FHIT: variants seen among roughly 807,000 people sequenced by gnomAD.
FHIT encodes fragile histidine triad diadenosine triphosphatase, also known as bis(5'-adenosyl)-triphosphatase.
A neutral mutation model predicts 17.9 loss-of-function variants in FHIT; 19 were observed. That is an observed-to-expected ratio of 1.06 (90% CI 0.74 to 1.56). The LOEUF is 1.56. Ranked by LOEUF, FHIT falls within the 40% of genes most tolerant of loss-of-function variation. FHIT has a pLI of 0.00. For synonymous variants in FHIT, 81 were observed against 69.7 expected (o/e 1.16, Z -0.81); for missense variants, 248 against 189.2 (o/e 1.31, Z -1.82).
chr3:59,770,039 A>G (rs1702004215), intron 8 of FHIT, among the ~76,000 whole-genome samples: 7 of 152,226 alleles, frequency 4.6e-5, no homozygotes, highest in Admixed American at 4.6e-4. Context: ...AGAGACAAGG[A>G]AAAGCAAAAC....
Position 60,658,838 on chromosome 3 carries a change from T to C in FHIT, c.-17-121859A>G, listed in dbSNP as rs371718357. Among the ~76,000 whole-genome samples, 9 of 152,250 alleles carry C rather than the reference T, an allele frequency of 5.9e-5. No homozygotes were observed. In the East Asian group the frequency reaches 1.5e-3, roughly 26 times the overall value. ...TTTTATAATTGCCCACATTTTTACC[T>C]TTACGGAGAACTTTATTTCTTAACT... is the stretch of plus-strand genomic sequence containing the variant. On this transcript the variant is annotated intron_variant, in intron 4 of 9. Coordinates refer to ENST00000492590, the MANE Select transcript of FHIT (RefSeq NM_002012.4).
intron 5 of FHIT, among the ~76,000 whole-genome samples, chr3:60,264,062 G>C (rs1253245084): frequency 6.6e-6 from 1 of 151,708 alleles, no homozygotes; most frequent in Non-Finnish European, 1.5e-5. Context: ...CATCAACAAA[G>C]TATGTGGCAT....
chr3:59,961,272 T>A (rs531975928), intron 7 of FHIT, among the ~76,000 whole-genome samples: 56 of 152,226 alleles, frequency 3.7e-4, no homozygotes, highest in African/African-American at 1.2e-3. Flanking sequence ...GTTCCCAATG[T>A]CAAAAACTTC....
intron 1 of FHIT, among the ~76,000 whole-genome samples, chr3:61,230,144 T>A (rs1209565197): frequency 6.6e-6 from 1 of 152,212 alleles, no homozygotes; most frequent in Non-Finnish European, 1.5e-5. Flanking sequence ...TGAGAAAGAC[T>A]TGGATCAATG....
At chr3:60,046,350 G>T (rs559865573) in intron 5 of FHIT, among the ~76,000 whole-genome samples, 1 of 152,164 alleles carries the variant, frequency 6.6e-6, no homozygotes, top group African/African-American at 2.4e-5. Context: ...CAGGAAGCAC[G>T]GTCAACCAGC....
At chr3:60,726,077 T>C (rs1234452064) in intron 4 of FHIT, among the ~76,000 whole-genome samples, 5 of 152,122 alleles carry the variant, frequency 3.3e-5, no homozygotes, top group Non-Finnish European at 5.9e-5. Context: ...ATGCGAAATA[T>C]ACAAAAATAA....
chr3:60,829,739 A>AT (rs1242505777), intron 3 of FHIT, among the ~76,000 whole-genome samples: 2 of 147,854 alleles, frequency 1.4e-5, no homozygotes, highest in African/African-American at 4.9e-5. Flanking sequence ...CTTGGGCTCC[A>AT]TTAGAAGGAG....
chr3:60,106,230 G>A (rs925711075), intron 5 of FHIT, among the ~76,000 whole-genome samples: 1 of 152,192 alleles, frequency 6.6e-6, no homozygotes, highest in Non-Finnish European at 1.5e-5. Flanking sequence ...GAAGAGTAGT[G>A]ATGCTGTAAA....
intron 5 of FHIT, among the ~76,000 whole-genome samples, chr3:60,111,753 T>C (rs1437046199): frequency 6.6e-6 from 1 of 152,234 alleles, no homozygotes; most frequent in Non-Finnish European, 1.5e-5. Context: ...TGGCTCTGCC[T>C]CTAGACTAGC....
chr3:59,922,877 T>C (rs922452945), intron 7 of FHIT, among the ~76,000 whole-genome samples: 1 of 152,152 alleles, frequency 6.6e-6, no homozygotes, highest in Non-Finnish European at 1.5e-5. Context: ...CATATAATAG[T>C]AATACAAACA....
At chr3:60,124,017 G>GAC (rs1559653782) in intron 5 of FHIT, among the ~76,000 whole-genome samples, 1 of 63,012 alleles carries the variant, frequency 1.6e-5, no homozygotes, top group Admixed American at 1.7e-4. Flanking sequence ...TATAGAGAGA[G>GAC]AGAGAGAGAG....
At chr3:60,881,422 T>C (rs1183113078) in intron 3 of FHIT, among the ~76,000 whole-genome samples, 1 of 152,198 alleles carries the variant, frequency 6.6e-6, no homozygotes, top group Non-Finnish European at 1.5e-5. Flanking sequence ...TACTGCATTT[T>C]AGCTCAAATG....
chr3:60,546,899 C>G (rs2036385392), intron 4 of FHIT, among the ~76,000 whole-genome samples: 1 of 152,166 alleles, frequency 6.6e-6, no homozygotes, highest in African/African-American at 2.4e-5. Flanking sequence ...AAATCTAAGT[C>G]TACCTCTTTT....
intron 7 of FHIT, among the ~76,000 whole-genome samples, chr3:59,940,333 CAATT>C (rs1706452050): frequency 6.6e-6 from 1 of 152,106 alleles, no homozygotes; most frequent in East Asian, 1.9e-4. Context: ...AAAAAATTCA[CAATT>C]TATTTTTTTA....
intron 2 of FHIT, among the ~76,000 whole-genome samples, chr3:61,093,232 A>G (rs887961267): frequency 3.3e-5 from 5 of 152,198 alleles, no homozygotes; most frequent in African/African-American, 1.2e-4. Context: ...AAACGTTTAT[A>G]ATTCTATGTA....
At chr3:61,096,473 A>C (rs2106831338) in intron 2 of FHIT, among the ~76,000 whole-genome samples, 1 of 152,320 alleles carries the variant, frequency 6.6e-6, no homozygotes, top group African/African-American at 2.4e-5. Flanking sequence ...TCACCCTATA[A>C]TAGTTGTTTC....
chr3:60,833,237 A>C (rs1444136182), intron 3 of FHIT, among the ~76,000 whole-genome samples: 1 of 152,186 alleles, frequency 6.6e-6, no homozygotes, highest in Non-Finnish European at 1.5e-5. Context: ...CGAGCCCTGT[A>C]GTTGGTCCAA....
Position 61,043,884 on chromosome 3 carries a change from C to A in FHIT, c.-163-1785G>T, listed in dbSNP as rs181939466. On this transcript the variant is annotated intron_variant, in intron 2 of 9. Transcript: ENST00000492590. Reference sequence around the variant, plus strand: ...GCAAACAGGGTCTGGAGTGGACCTCCAGCAAACTCCAAAAGACCTGCAGCT... The same window carrying A: ...GCAAACAGGGTCTGGAGTGGACCTCAAGCAAACTCCAAAAGACCTGCAGCT... Among the ~76,000 whole-genome samples the A allele has an allele frequency of 7.1e-3, 1,077 of 152,288 alleles. 13 individuals carry two copies. Among genetic ancestry groups the A allele is most frequent in the African/African-American group, 0.025 (1,028 of 41,546 alleles).
chr3:60,360,896 C>T (rs1239704237), intron 5 of FHIT, among the ~76,000 whole-genome samples: 1 of 152,164 alleles, frequency 6.6e-6, no homozygotes, highest in Non-Finnish European at 1.5e-5. Context: ...TCATTTTGAC[C>T]TCTTTATCCC....
Sources: allele counts gnomAD v4.1 joint callset (sites outside exome capture counted in the v4.1 genomes callset), GRCh38; gene constraint gnomAD v4.1.1; transcripts MANE v1.5; gene names NCBI Gene and HGNC (gene_info 2026-07-23, HGNC 2026-07-21).